Variants in BMPR1B observed in about 807,000 individuals in gnomAD.
The protein encoded by BMPR1B is bone morphogenetic protein receptor type 1B, also known as bone morphogenetic protein receptor type-1B.
Under a neutral mutation model 59.1 loss-of-function variants are expected in BMPR1B, and 12 were observed. The ratio of observed to expected loss-of-function variants is 0.20; its 90% confidence interval spans 0.13 to 0.33. BMPR1B has a LOEUF of 0.33. Among genes scored for constraint, BMPR1B ranks in the 10% least tolerant of loss-of-function variants. The probability of loss-of-function intolerance (pLI) is 1.00; values close to 1 mark genes in which losing one functional copy is unlikely to be tolerated. For synonymous variants in BMPR1B, 237 were observed against 207.3 expected, an observed-to-expected ratio of 1.14 and a Z score of -1.23; for missense variants, 550 against 610.9, an observed-to-expected ratio of 0.90 and a Z score of 1.05.
At chr4:94,900,815 A>C (rs17022509) in intron 2 of BMPR1B, among the ~76,000 whole-genome samples, 7,464 of 152,084 alleles carry the variant, frequency 0.049, 449 homozygotes, top group African/African-American at 0.14. Flanking sequence ...TAGATGTTTT[A>C]AAAATACATA....
intron 1 of BMPR1B, among the ~76,000 whole-genome samples, chr4:94,781,522 C>G (rs1202209537): frequency 6.6e-6 from 1 of 152,130 alleles, no homozygotes; most frequent in Non-Finnish European, 1.5e-5. Context: ...AAGCGATTCC[C>G]CTGCCTCAGC....
At chr4:95,071,228 G>C (rs552517256) in intron 3 of BMPR1B, among the ~76,000 whole-genome samples, 82 of 152,172 alleles carry the variant, frequency 5.4e-4, no homozygotes, top group African/African-American at 2.0e-3. Context: ...TCTTGAACTG[G>C]TCTTCAATTT....
At chr4:95,082,160 A>C (rs1288927332) in intron 3 of BMPR1B, among the ~76,000 whole-genome samples, 1 of 118,506 alleles carries the variant, frequency 8.4e-6, no homozygotes, top group African/African-American at 3.3e-5. Flanking sequence ...CAGTCCCCAG[A>C]GTGTGATGTT....
At chr4:94,891,854 A>G (rs1368649746) in intron 2 of BMPR1B, among the ~76,000 whole-genome samples, 1 of 152,088 alleles carries the variant, frequency 6.6e-6, no homozygotes, top group Non-Finnish European at 1.5e-5. Context: ...TCATTCATTC[A>G]GCATTTATAT....
At chr4:94,860,827 A>T (rs1181228690) in intron 1 of BMPR1B, among the ~76,000 whole-genome samples, 1 of 138,480 alleles carries the variant, frequency 7.2e-6, no homozygotes, top group Non-Finnish European at 1.5e-5. Context: ...TGTCTTTTAT[A>T]TGTTGGCTTT....
rs1175390792 is a variant in BMPR1B, at chr4:95,032,243, A to G, written c.-18+36109A>G. ...GGCTACCATTTTGCTGTGTCCTCAC[A>G]TGACTGGGGGAGAGAGAGAGAGAGT... On this transcript the variant is annotated intron_variant, in intron 3 of 12. Coordinates refer to ENST00000515059, the MANE Select transcript of BMPR1B (RefSeq NM_001203.3). 3.9e-5 allele frequency among the ~76,000 whole-genome samples: 6 copies of G among 152,146 alleles called. No homozygotes were observed. In the East Asian group the frequency reaches 1.2e-3, roughly 30 times the overall value.
chr4:94,873,520 C>T (rs1726587188), intron 1 of BMPR1B, among the ~76,000 whole-genome samples: 1 of 151,888 alleles, frequency 6.6e-6, no homozygotes, highest in African/African-American at 2.4e-5. Context: ...GATTCCCCTG[C>T]CACAGCCTCC....
intron 3 of BMPR1B, among the ~76,000 whole-genome samples, chr4:95,034,259 A>G (rs1560608083): frequency 1.3e-5 from 2 of 152,114 alleles, no homozygotes; most frequent in Non-Finnish European, 2.9e-5. Flanking sequence ...TAATAGGTAT[A>G]TATGTTTATT....
intron 3 of BMPR1B, among the ~76,000 whole-genome samples, chr4:95,063,979 T>C (rs1727609151): frequency 6.6e-6 from 1 of 152,144 alleles, no homozygotes; most frequent in Admixed American, 6.5e-5. Context: ...TTAGCAGTTT[T>C]AGATTACCAA....
chr4:95,116,415 G>GCA (rs1491178901), intron 6 of BMPR1B, among the ~76,000 whole-genome samples: 106 of 67,890 alleles, frequency 1.6e-3, no homozygotes, highest in African/African-American at 7.2e-3. Flanking sequence ...CATGCTTTCA[G>GCA]CGCGCGCACA....
chr4:94,803,865 AC>A (rs35814027), intron 1 of BMPR1B, among the ~76,000 whole-genome samples: 47,572 of 151,780 alleles, frequency 0.31, 8,023 homozygotes, highest in African/African-American at 0.44. Flanking sequence ...AAGAAAAAAA[AC>A]ACATTATTTT....
rs559864027 is a variant in BMPR1B, at chr4:95,156,896, A to G, written c.*2223A>G. 4.7e-4 allele frequency: 72 copies of G among 152,298 alleles called. No individual in the cohort carries two copies. Among genetic ancestry groups the G allele is most frequent in the African/African-American group, 1.7e-3 (69 of 41,584 alleles). 9.4% of individuals were successfully genotyped at this position (152,298 alleles called of 1,614,324 possible). A position where few individuals can be genotyped will look rare whatever the true frequency, so the allele number is the denominator to read the frequency against. On this transcript the variant is annotated 3_prime_UTR_variant, in exon 13 of 13. Coordinates refer to ENST00000515059, the MANE Select transcript of BMPR1B (RefSeq NM_001203.3). ...TGCCTCTAAACAGATCATCTACAAAACAACAGGTAAACATTTATGCCAGTT... is the reference window on the plus strand; with the variant it reads ...TGCCTCTAAACAGATCATCTACAAAGCAACAGGTAAACATTTATGCCAGTT...
At chr4:95,030,154 C>T (rs555910464) in intron 3 of BMPR1B, among the ~76,000 whole-genome samples, 117 of 151,946 alleles carry the variant, frequency 7.7e-4, no homozygotes, top group Non-Finnish European at 1.4e-3. Flanking sequence ...GCTTTTGTTG[C>T]CATTGCTTTT....
chr4:94,892,904 TG>T (rs1578770302), intron 2 of BMPR1B, among the ~76,000 whole-genome samples: 3 of 152,090 alleles, frequency 2.0e-5, no homozygotes, highest in East Asian at 1.9e-4. Context: ...TAACGAACTT[TG>T]GAGTTCAGTT....
intron 1 of BMPR1B, among the ~76,000 whole-genome samples, chr4:94,810,413 T>TG (rs34338752): frequency 6.6e-6 from 1 of 152,118 alleles, no homozygotes; most frequent in Admixed American, 6.6e-5. Flanking sequence ...TTCTATTTCT[T>TG]GGGGGAGTAT....
intron 4 of BMPR1B, among the ~76,000 whole-genome samples, chr4:95,113,642 T>C (rs778703264): frequency 2.0e-5 from 3 of 152,170 alleles, no homozygotes; most frequent in Admixed American, 6.6e-5. Flanking sequence ...TTATGACTTA[T>C]ATTGAGAGTC....
At chr4:94,914,112 A>C (rs543356554) in intron 2 of BMPR1B, among the ~76,000 whole-genome samples, 16 of 152,262 alleles carry the variant, frequency 1.1e-4, no homozygotes, top group Admixed American at 8.5e-4. Context: ...TTAAAAGCTT[A>C]AGTTTGAGTG....
In BMPR1B at chr4:94,955,732, G is replaced by A. The variant is rs55770035; in HGVS notation, c.-112-40308G>A. On this transcript the variant is annotated intron_variant, in intron 2 of 12. Coordinates refer to ENST00000515059, the MANE Select transcript of BMPR1B (RefSeq NM_001203.3). Reference sequence around the variant, plus strand: ...GAAGCTCTGCCTCCTGGGTTCAAGCGATTCTCCTGTCTTAGCCTCCTGAGT... The same window carrying A: ...GAAGCTCTGCCTCCTGGGTTCAAGCAATTCTCCTGTCTTAGCCTCCTGAGT... Among the ~76,000 whole-genome samples the A allele has an allele frequency of 4.0e-3, 609 of 151,794 alleles. 7 individuals are homozygous for A. Among genetic ancestry groups the A allele is most frequent in the African/African-American group, 0.014 (570 of 41,318 alleles).
rs914042785 is a variant in BMPR1B, at chr4:94,937,567, A to C, written c.-112-58473A>C. Among the ~76,000 whole-genome samples the C allele has an allele frequency of 2.6e-5, 4 of 152,240 alleles. No homozygotes were observed. In the East Asian group the frequency reaches 5.8e-4, roughly 22 times the overall value. ...CATAGTGGAAAAAAATTAAAAGAATATGATTTTGTTCCTTATTCTGTTTAG... is the reference window on the plus strand; with the variant it reads ...CATAGTGGAAAAAAATTAAAAGAATCTGATTTTGTTCCTTATTCTGTTTAG... On this transcript the variant is annotated intron_variant, in intron 2 of 12. Transcript: ENST00000515059.
Sources: allele counts gnomAD v4.1 joint callset (sites outside exome capture counted in the v4.1 genomes callset), GRCh38; gene constraint gnomAD v4.1.1; transcripts MANE v1.5; gene names NCBI Gene and HGNC (gene_info 2026-07-23, HGNC 2026-07-21).